The following NRBP1 variants were observed in gnomAD, a reference collection of about 807,000 sequenced individuals.
The protein encoded by NRBP1 is nuclear receptor binding protein 1, also known as nuclear receptor-binding protein.
NRBP1 carries 10 observed loss-of-function variants against 76.0 expected under a neutral mutation model. That is an observed-to-expected ratio of 0.13 (90% CI 0.08 to 0.22). NRBP1 has a LOEUF of 0.22. Among genes scored for constraint, NRBP1 ranks in the 10% least tolerant of loss-of-function variants. The pLI is 1.00. For missense variants in NRBP1, 344 were observed against 646.0 expected (o/e 0.53, Z 5.07); for synonymous variants, 235 against 240.2 (o/e 0.98, Z 0.20).
intron 1 of NRBP1, among the ~76,000 whole-genome samples, chr2:27,432,436 GGTGT>G (rs879316499): frequency 6.6e-6 from 1 of 152,116 alleles, no homozygotes; most frequent in Non-Finnish European, 1.5e-5. Context: ...AAACAAAGGT[GGTGT>G]GTGTTTTCTA....
intron 14 of NRBP1, 36 bp downstream of exon 14, chr2:27,440,976 T>C: frequency 1.2e-6 from 2 of 1,612,384 alleles, no homozygotes; most frequent in Non-Finnish European, 1.7e-6. Flanking sequence ...TCTCCATGGT[T>C]GTGGTGGAAG....
intron 1 of NRBP1, among the ~76,000 whole-genome samples, chr2:27,430,847 A>G (rs1477739655): frequency 6.6e-6 from 1 of 152,216 alleles, no homozygotes; most frequent in Non-Finnish European, 1.5e-5. Context: ...TCTTAGAGAT[A>G]TGAAATAACA....
chr2:27,432,433 G>A (rs1387430830), intron 1 of NRBP1, among the ~76,000 whole-genome samples: 1 of 152,166 alleles, frequency 6.6e-6, no homozygotes, highest in Admixed American at 6.5e-5. Flanking sequence ...AGGAAACAAA[G>A]GTGGTGTGTG....
At position 27,435,545 on chromosome 2, in the gene NRBP1, G is replaced by A. The variant is rs1664270429; in HGVS notation, c.661+318G>A. On this transcript the variant is annotated intron_variant, in intron 7 of 17. Coordinates refer to ENST00000379852, the MANE Select transcript of NRBP1 (RefSeq NM_013392.4). ...CAGACCCTGCCAGAGGAGGTTCCAG[G>A]CTGTTCCTGCTGTGAGTGCTTTCGT... is the stretch of plus-strand genomic sequence containing the variant. The A allele has an allele frequency of 3.2e-5, 21 of 646,554 alleles. No individual in the cohort carries two copies. In the South Asian group the frequency reaches 3.7e-4, roughly 11 times the overall value. 40.1% of individuals were successfully genotyped at this position (646,554 alleles called of 1,614,324 possible).
At position 27,429,093 on chromosome 2, in the gene NRBP1, G is replaced by A. The variant is rs1318616794; in HGVS notation, c.-21+362G>A. On this transcript the variant is annotated intron_variant, in intron 1 of 17. Coordinates refer to ENST00000379852, the MANE Select transcript of NRBP1 (RefSeq NM_013392.4). The stretch of plus-strand genomic sequence containing the variant: ...GCCCGGCGGCCTGCGGAAGCTCGGC[G>A]GCCTGGCCTGGCCTGCTCGCGGGGA... The A allele has an allele frequency of 2.5e-5, 4 of 162,074 alleles. No individual in the cohort carries two copies. The South Asian group carries it at 6.9e-4, about 28-fold the overall frequency. 10.0% of individuals were successfully genotyped at this position (162,074 alleles called of 1,614,324 possible).
At chr2:27,439,195 A>G (rs1664425498) in intron 10 of NRBP1, among the ~76,000 whole-genome samples, 1 of 152,100 alleles carries the variant, frequency 6.6e-6, no homozygotes, top group Non-Finnish European at 1.5e-5. Flanking sequence ...CTAAGGAAAA[A>G]GAAAGTGTGG....
Position 27,440,808 on chromosome 2 carries a change from T to C in NRBP1, c.1197T>C (p.Asn399=). The change falls in exon 14 of 18, where the codon AAT becomes AAC. Residue 399 remains asparagine, a synonymous_variant. Transcript: ENST00000379852. ...ELDKFLEDVR[N]GIYPLTAFGL... is the part of the protein sequence containing the mutation. ...ACCTGTCTTCATCTCCCTCCAGGAA[T>C]GGGATCTATCCTCTGACAGCCTTTG... The C allele has an allele frequency of 6.2e-7, 1 of 1,614,124 alleles. No individual in the cohort carries two copies. The highest frequency in any genetic ancestry group is 8.5e-7 in the Non-Finnish European group (1 of 1,180,032).
chr2:27,435,686 C>T, intron 7 of NRBP1: 2 of 717,680 alleles, frequency 2.8e-6, no homozygotes, highest in South Asian at 3.0e-5. Context: ...TCTCTGTTTT[C>T]CTCCCTCCCG....
At chr2:27,430,052 A>G (rs577925844) in intron 1 of NRBP1, among the ~76,000 whole-genome samples, 11 of 152,340 alleles carry the variant, frequency 7.2e-5, no homozygotes, top group African/African-American at 2.6e-4. Flanking sequence ...GTAGATTACT[A>G]AAACAGGCAG....
chr2:27,433,170 C>G, intron 1 of NRBP1, 84 bp from the exon 2 acceptor site: 1 of 991,606 alleles, frequency 1.0e-6, no homozygotes, highest in South Asian at 1.4e-5. Flanking sequence ...TGAGCCACCA[C>G]GTCCAGCCTG....
intron 10 of NRBP1, among the ~76,000 whole-genome samples, chr2:27,437,623 G>T (rs1195512054): frequency 2.0e-5 from 3 of 152,174 alleles, no homozygotes; most frequent in Non-Finnish European, 4.4e-5. Context: ...TGTAATCCCA[G>T]CACTTTGGGA....
chr2:27,437,408 T>G, intron 10 of NRBP1, 48 bp downstream of exon 10: 1 of 1,386,676 alleles, frequency 7.2e-7, no homozygotes, highest in Non-Finnish European at 1.0e-6. Context: ...TTCAAATGTC[T>G]TCTGGTTTTT....
chr2:27,436,965 C>T lies in NRBP1; in HGVS notation c.746-82C>T, dbSNP rs907982200. 4 of 1,192,780 alleles carry T rather than the reference C, an allele frequency of 3.4e-6. No homozygotes were observed. The East Asian group carries it at 8.3e-5, about 25-fold the overall frequency. 73.9% of individuals were successfully genotyped at this position (1,192,780 alleles called of 1,614,324 possible). ...CCAGCATACAAAATATTTTTCTTTTCTTTTTTTTTTTTCCTAAGGCATTCC... is the reference window on the plus strand; with the variant it reads ...CCAGCATACAAAATATTTTTCTTTTTTTTTTTTTTTTTCCTAAGGCATTCC... On this transcript the variant is annotated intron_variant, in intron 8 of 17. Transcript: ENST00000379852.
At chr2:27,438,253 T>C (rs1255420455) in intron 10 of NRBP1, among the ~76,000 whole-genome samples, 1 of 152,234 alleles carries the variant, frequency 6.6e-6, no homozygotes, top group East Asian at 1.9e-4. Context: ...CTTCAGGCCA[T>C]TGCTGTATAC....
intron 3 of NRBP1, 82 bp downstream of exon 3, chr2:27,433,877 T>G: frequency 6.2e-7 from 1 of 1,608,126 alleles, no homozygotes; most frequent in Non-Finnish European, 8.5e-7. Flanking sequence ...AAGCTGCCCG[T>G]GAGGAGAGTA....
intron 11 of NRBP1, 94 bp downstream of exon 11, chr2:27,439,992 ATTCTTT>A: frequency 8.5e-6 from 2 of 234,438 alleles, no homozygotes; most frequent in South Asian, 5.3e-5. Context: ...TTCCAAAGGG[ATTCTTT>A]TTTTTTTTTT....
intron 7 of NRBP1, chr2:27,435,826 G>C (rs1418872342): frequency 1.4e-6 from 1 of 717,030 alleles, no homozygotes; most frequent in East Asian, 2.7e-5. Flanking sequence ...GCATGCAGTC[G>C]TGGGAGCAAA....
chr2:27,441,888 C>G lies in NRBP1; in HGVS notation c.*76C>G, dbSNP rs530162657. ...CTGCAGCCCTCCTGTCCCTTCCCCC[C>G]AGTCAGTATTACCCTGTGAAGCCCC... On this transcript the variant is annotated 3_prime_UTR_variant, in exon 18 of 18. Transcript: ENST00000379852. 7.0e-6 allele frequency: 6 copies of G among 862,018 alleles called. No individual in the cohort carries two copies. In the East Asian group the frequency reaches 7.2e-5, roughly 10 times the overall value. The allele number at this position is 862,018 out of a possible 1,614,324, so 53.4% of individuals were successfully genotyped here.
At chr2:27,437,139 C>A in intron 9 of NRBP1, 34 bp downstream of exon 9, 1 of 1,603,050 alleles carries the variant, frequency 6.2e-7, no homozygotes, top group Non-Finnish European at 8.5e-7. Flanking sequence ...GGAAAGGGGT[C>A]AGATGAGAAG....
Sources: gnomAD v4.1 joint callset for allele counts (sites outside exome capture counted in the v4.1 genomes callset) on GRCh38, gnomAD v4.1.1 for gene constraint, MANE v1.5 for transcripts, NCBI Gene and HGNC (gene_info 2026-07-23, HGNC 2026-07-21) for gene names.